Variants in PTPRD observed in about 807,000 individuals in gnomAD.
The protein encoded by PTPRD is protein tyrosine phosphatase receptor type D.
A neutral mutation model predicts 214.5 loss-of-function variants in PTPRD; 34 were observed. That is an observed-to-expected ratio of 0.16 (90% CI 0.12 to 0.21). The LOEUF is 0.21. Among genes scored for constraint, PTPRD ranks in the 10% least tolerant of loss-of-function variants. The pLI, the probability that PTPRD is intolerant of heterozygous loss-of-function variation, is 1.00. For missense variants in PTPRD, 2,545 were observed against 2,398.7 expected, an observed-to-expected ratio of 1.06 and a Z score of -1.27; for synonymous variants, 1,128 against 845.7, an observed-to-expected ratio of 1.33 and a Z score of -5.79.
chr9:9,987,573 A>T (rs1000971829), intron 4 of PTPRD, among the ~76,000 whole-genome samples: 2 of 152,152 alleles, frequency 1.3e-5, no homozygotes, highest in Admixed American at 6.5e-5. Flanking sequence ...ACATGTGGGA[A>T]TTATGGGAGC....
At chr9:8,381,452 A>C (rs187580538) in intron 37 of PTPRD, among the ~76,000 whole-genome samples, 5 of 152,294 alleles carry the variant, frequency 3.3e-5, no homozygotes, top group Admixed American at 1.3e-4. Context: ...ATTCTCTTTT[A>C]ACAACAGTGT....
chr9:10,304,215 C>T (rs956392224), intron 3 of PTPRD, among the ~76,000 whole-genome samples: 6 of 152,104 alleles, frequency 3.9e-5, no homozygotes, highest in African/African-American at 1.2e-4. Flanking sequence ...ATTCAACAGC[C>T]CTTCATGCAA....
intron 11 of PTPRD, among the ~76,000 whole-genome samples, chr9:8,801,600 C>T (rs2096572326): frequency 6.6e-6 from 1 of 152,142 alleles, no homozygotes; most frequent in Non-Finnish European, 1.5e-5. Context: ...CCTGTAATCC[C>T]AGCTCCTCAG....
chr9:9,689,711 G>T (rs910870770), intron 7 of PTPRD, among the ~76,000 whole-genome samples: 1 of 151,778 alleles, frequency 6.6e-6, no homozygotes, highest in Non-Finnish European at 1.5e-5. Flanking sequence ...CACTTTATAA[G>T]TTCCCATATA....
intron 2 of PTPRD, among the ~76,000 whole-genome samples, chr9:10,606,178 A>T (rs773222503): frequency 3.3e-5 from 5 of 151,838 alleles, no homozygotes; most frequent in African/African-American, 4.8e-5. Context: ...TGACAAGATA[A>T]AAGTGTGAGC....
Position 10,452,990 on chromosome 9 carries a change from G to C in PTPRD, c.-599-111973C>G, listed in dbSNP as rs149451463. On this transcript the variant is annotated intron_variant, in intron 2 of 45. Transcript: ENST00000381196. ...TTTAGAGATCCTTAATCCATTTTGA[G>C]TTGATTTTTGTGTGTGGTATGAGTT... Among the ~76,000 whole-genome samples, 1,161 of 151,730 alleles carry C rather than the reference G, an allele frequency of 7.7e-3. 16 individuals carry two copies. The highest frequency in any genetic ancestry group is 0.026 in the African/African-American group (1,073 of 41,492).
At chr9:10,090,917 T>TACACACACACACACACAC in intron 3 of PTPRD, among the ~76,000 whole-genome samples, 1 of 53,008 alleles carries the variant, frequency 1.9e-5, no homozygotes, top group East Asian at 1.1e-3. Context: ...ATAAATGAAA[T>TACACACACACACACACAC]ATACACACAC....
chr9:9,202,327 A>T (rs2099942352), intron 9 of PTPRD, among the ~76,000 whole-genome samples: 1 of 152,196 alleles, frequency 6.6e-6, no homozygotes, highest in Non-Finnish European at 1.5e-5. Context: ...AATTTACTGA[A>T]TACTTCTCTT....
At chr9:8,630,991 T>C (rs1282297705) in intron 14 of PTPRD, among the ~76,000 whole-genome samples, 7 of 151,938 alleles carry the variant, frequency 4.6e-5, no homozygotes, top group African/African-American at 1.2e-4. Flanking sequence ...CTTTTTAATA[T>C]ACCTTCTATA....
At chr9:9,953,137 G>A (rs1226954670) in intron 4 of PTPRD, among the ~76,000 whole-genome samples, 1 of 152,232 alleles carries the variant, frequency 6.6e-6, no homozygotes, top group East Asian at 1.9e-4. Flanking sequence ...GAACCAAAAT[G>A]GATGGTTAAT....
chr9:8,967,914 C>T (rs2099208969), intron 11 of PTPRD, among the ~76,000 whole-genome samples: 1 of 152,080 alleles, frequency 6.6e-6, no homozygotes, highest in African/African-American at 2.4e-5. Flanking sequence ...TCCCTCCACC[C>T]CACGAGAGGC....
At chr9:9,838,810 C>T (rs1054199794) in intron 5 of PTPRD, among the ~76,000 whole-genome samples, 3 of 152,034 alleles carry the variant, frequency 2.0e-5, no homozygotes, top group Non-Finnish European at 2.9e-5. Flanking sequence ...GTTGCCATTG[C>T]TTTTGGTGTT....
In PTPRD at chr9:8,518,023, T is replaced by C. The variant is rs1488341827; in HGVS notation, c.1368A>G (p.Thr456=). The change falls in exon 21 of 46, where the codon ACA becomes ACG. Residue 456 remains threonine, a synonymous_variant. Transcript: ENST00000381196. ...GQIQGYRVYY[T]MDPTQHVNNW... ...TGTTGACATGTTGAGTGGGATCCAT[T>C]GTATAATAAACTCTATATCCTTGGA... 1 of 1,614,188 alleles carries C rather than the reference T, an allele frequency of 6.2e-7. No homozygotes were observed. Among genetic ancestry groups the C allele is most frequent in the East Asian group, 2.2e-5 (1 of 44,876 alleles).
intron 3 of PTPRD, among the ~76,000 whole-genome samples, chr9:10,324,608 G>GCTTCCAAGCCAATGGAA (rs1186357738): frequency 1.1e-4 from 16 of 151,956 alleles, no homozygotes; most frequent in Non-Finnish European, 2.9e-5. Context: ...TCCTTCAATG[G>GCTTCCAAGCCAATGGAA]CTTCATATGC....
intron 3 of PTPRD, among the ~76,000 whole-genome samples, chr9:10,075,019 A>C (rs451517): frequency 0.013 from 2,051 of 152,190 alleles, 60 homozygotes; most frequent in African/African-American, 0.046. Flanking sequence ...TAAAATTTGA[A>C]TAAATCCCAA....
intron 30 of PTPRD, among the ~76,000 whole-genome samples, chr9:8,481,346 C>G (rs763155261): frequency 7.6e-4 from 115 of 151,868 alleles, no homozygotes; most frequent in Non-Finnish European, 1.4e-3. Flanking sequence ...ATTATTTTAT[C>G]AAATAAACAA....
chr9:9,575,717 C>CAAAAAAAAAAAAAAAAAAAAAA (rs757614546), intron 7 of PTPRD, among the ~76,000 whole-genome samples: 80 of 33,320 alleles, frequency 2.4e-3, no homozygotes, highest in South Asian at 8.7e-3. Context: ...AAGACTGTCT[C>CAAAAAAAAAAAAAAAAAAAAAA]AAAAAAAAAA....
rs570741318 is a variant in PTPRD at position 9,670,578 on chromosome 9, T to A, written c.-287+63955A>T. Among the ~76,000 whole-genome samples the A allele has an allele frequency of 1.2e-3, 187 of 152,284 alleles. 2 individuals carry two copies. The highest frequency in any genetic ancestry group is 8.3e-4 in the South Asian group (4 of 4,828). ...CAGCCCCTCCCATCACAGGCCTAGA[T>A]GCTTAGGAGAAAATGGTTCTGTGGG... is the stretch of plus-strand genomic sequence containing the variant. On this transcript the variant is annotated intron_variant, in intron 7 of 45. Transcript: ENST00000381196.
rs140484423 is a variant in PTPRD at position 10,468,538 on chromosome 9, A to G, written c.-599-127521T>C. ...GGGGAGGGATAGCATTAAAAGAAAT[A>G]CTTAATGTAGATGATGGGTTGATGG... On this transcript the variant is annotated intron_variant, in intron 2 of 45. Transcript: ENST00000381196. 2.2e-3 allele frequency among the ~76,000 whole-genome samples: 336 copies of G among 152,272 alleles called. 1 individual carries two copies. Among genetic ancestry groups the G allele is most frequent in the African/African-American group, 7.4e-3 (307 of 41,560 alleles).
Sources: allele counts gnomAD v4.1 joint callset (sites outside exome capture counted in the v4.1 genomes callset), GRCh38; gene constraint gnomAD v4.1.1; transcripts MANE v1.5; gene names NCBI Gene and HGNC (gene_info 2026-07-23, HGNC 2026-07-21).